The following IRAK2 variants were observed in gnomAD, a reference collection of about 807,000 sequenced individuals.
IRAK2 encodes interleukin-1 receptor-associated kinase-like 2.
Under a neutral mutation model 72.0 loss-of-function variants are expected in IRAK2, and 57 were observed. The ratio of observed to expected loss-of-function variants is 0.79; its 90% CI spans 0.64 to 0.99. The LOEUF (loss-of-function observed/expected upper bound fraction) is 0.99. Among genes scored for constraint, IRAK2 ranks in the 50% least tolerant of loss-of-function variants. The pLI is 0.00. For synonymous variants in IRAK2, 293 were observed against 312.7 expected, an observed-to-expected ratio of 0.94 and a Z score of 0.67; for missense variants, 790 against 794.4, an observed-to-expected ratio of 0.99 and a Z score of 0.07.
chr3:10,196,094 T>A (rs1697260343), intron 2 of IRAK2, among the ~76,000 whole-genome samples: 1 of 152,196 alleles, frequency 6.6e-6, no homozygotes, highest in African/African-American at 2.4e-5. Context: ...TCATTGTCAT[T>A]CTGTACAAGG....
At chr3:10,179,711 G>A (rs1383956456) in intron 2 of IRAK2, among the ~76,000 whole-genome samples, 1 of 152,134 alleles carries the variant, frequency 6.6e-6, no homozygotes, top group Admixed American at 6.6e-5. Flanking sequence ...TGGGATTATA[G>A]GTGTGAGCCA....
chr3:10,225,136 G>T (rs1697754378), intron 9 of IRAK2, among the ~76,000 whole-genome samples: 3 of 151,746 alleles, frequency 2.0e-5, no homozygotes, highest in African/African-American at 7.3e-5. Flanking sequence ...ATTAATCCTG[G>T]GTGGTTTAAA....
At chr3:10,226,854 G>A (rs1170187259) in intron 10 of IRAK2, among the ~76,000 whole-genome samples, 1 of 151,322 alleles carries the variant, frequency 6.6e-6, no homozygotes, top group African/African-American at 2.4e-5. Flanking sequence ...GCTGAGGCAG[G>A]AGAATCACTT....
At chr3:10,191,330 G>GA (rs1212430769) in intron 2 of IRAK2, among the ~76,000 whole-genome samples, 1 of 151,948 alleles carries the variant, frequency 6.6e-6, no homozygotes, top group Non-Finnish European at 1.5e-5. Flanking sequence ...AACCAGTCGT[G>GA]ACGCCCAGCC....
chr3:10,225,672 C>G (rs1697761621), intron 9 of IRAK2, among the ~76,000 whole-genome samples: 1 of 151,858 alleles, frequency 6.6e-6, no homozygotes, highest in Non-Finnish European at 1.5e-5. Flanking sequence ...AGAGCAATGC[C>G]TGCTTGCCAT....
intron 2 of IRAK2, among the ~76,000 whole-genome samples, chr3:10,186,529 C>G (rs895019357): frequency 1.3e-5 from 2 of 151,720 alleles, no homozygotes; most frequent in Admixed American, 6.6e-5. Context: ...TTGAAGCCAC[C>G]TGAAACAGTA....
chr3:10,215,763 CACACACACACAGAT>C (rs1387775192), intron 6 of IRAK2, among the ~76,000 whole-genome samples: 1 of 151,762 alleles, frequency 6.6e-6, no homozygotes, highest in Admixed American at 6.6e-5. Context: ...CACACACACA[CACACACACACAGAT>C]ACACACACAC....
rs1697616297 is a variant in IRAK2, at chr3:10,217,041, A to G, written c.896A>G (p.Gln299Arg). 2 of 1,609,928 alleles carry G rather than the reference A, an allele frequency of 1.2e-6. No individual in the cohort carries two copies. The highest frequency in any genetic ancestry group is 4.5e-5 in the East Asian group (2 of 44,868). ...MANGSLQDRL[Q>R]GQGGSDPLPW... ...AATGGTTCCCTACAGGACAGACTGCAGGGTCAGGTAAGGGACTGGGTCATG... is the reference window on the plus strand; with the variant it reads ...AATGGTTCCCTACAGGACAGACTGCGGGGTCAGGTAAGGGACTGGGTCATG... The change falls in exon 7 of 13, where the codon CAG becomes CGG. Residue 299 changes from glutamine to arginine, a missense_variant. Gln to Arg is a conservative substitution (Grantham distance 43, BLOSUM62 1). Transcript: ENST00000256458.
rs550426977 is a variant in IRAK2 at position 10,228,311 on chromosome 3, C to T, written c.1272+1878C>T. On this transcript the variant is annotated intron_variant, in intron 10 of 12. Coordinates refer to ENST00000256458, the MANE Select transcript of IRAK2 (RefSeq NM_001570.4). ...TCTGGGGTAGGGAGGCTGAAGGCCT[C>T]GCTACTCCATGCAGAAAGTCACGAC... Among the ~76,000 whole-genome samples, 11 of 152,222 alleles carry T rather than the reference C, an allele frequency of 7.2e-5. No homozygotes were observed. In the South Asian group the frequency reaches 1.9e-3, roughly 26 times the overall value.
chr3:10,191,490 G>A (rs942166656), intron 2 of IRAK2, among the ~76,000 whole-genome samples: 1 of 152,104 alleles, frequency 6.6e-6, no homozygotes, highest in African/African-American at 2.4e-5. Flanking sequence ...ACCTTTGCCC[G>A]GCTCTTCAAC....
rs1035384150 is a variant in IRAK2 at position 10,242,011 on chromosome 3, T to C, written c.1766-105T>C. ...GAAAAAAAAAAAAAGAAATGCTCAT[T>C]ACACTCAGGGCCTGATTCAGAAACC... On this transcript the variant is annotated intron_variant, in intron 12 of 12. Coordinates refer to ENST00000256458, the MANE Select transcript of IRAK2 (RefSeq NM_001570.4). 1.3e-5 allele frequency: 8 copies of C among 594,130 alleles called. No homozygotes were observed. In the Admixed American group the frequency reaches 2.4e-4, roughly 17 times the overall value. 36.8% of individuals were successfully genotyped at this position (594,130 alleles called of 1,614,324 possible). A position where few individuals can be genotyped will look rare whatever the true frequency, so the allele number is the denominator to read the frequency against.
In IRAK2 at chr3:10,237,393, C is replaced by A. The variant is rs1697980219; in HGVS notation, c.1474-1355C>A. On this transcript the variant is annotated intron_variant, in intron 11 of 12. Transcript: ENST00000256458. ...CAGGGACTGGAAGATAATAAGCAGG[C>A]CTGGGTTTGATGGTCACCTTTGCCA... Among the ~76,000 whole-genome samples, 4 of 152,216 alleles carry A rather than the reference C, an allele frequency of 2.6e-5. 1 individual carries two copies. The highest frequency in any genetic ancestry group is 2.6e-4 in the Admixed American group (4 of 15,268).
At chr3:10,223,356 A>G (rs1440138110) in intron 9 of IRAK2, among the ~76,000 whole-genome samples, 1 of 146,258 alleles carries the variant, frequency 6.8e-6, no homozygotes, top group African/African-American at 2.5e-5. Flanking sequence ...CACCACCACC[A>G]TCCTTGTCTG....
At chr3:10,218,571 T>G (rs1697641291) in intron 7 of IRAK2, among the ~76,000 whole-genome samples, 1 of 151,702 alleles carries the variant, frequency 6.6e-6, no homozygotes, top group Admixed American at 6.6e-5. Context: ...ACAGATAAAA[T>G]CAGCGTAAGG....
chr3:10,179,084 TGCAACCCCCTTTTGATACA>T (rs1189452433), intron 2 of IRAK2, among the ~76,000 whole-genome samples: 1 of 152,070 alleles, frequency 6.6e-6, no homozygotes, highest in Admixed American at 6.5e-5. Flanking sequence ...TCACCCTGCC[TGCAACCCCCTTTTGATACA>T]GCTAGTAGCA....
intron 1 of IRAK2, among the ~76,000 whole-genome samples, chr3:10,175,663 G>T (rs1696861338): frequency 6.6e-6 from 1 of 151,986 alleles, no homozygotes. Context: ...GCCGAGGCAG[G>T]CGCATCACAA....
Position 10,242,131 on chromosome 3 carries a change from G to A in IRAK2, c.1781G>A (p.Trp594Ter), listed in dbSNP as rs1698069926. ...EPPQDVTETS[W>*]QIEINEAKRK... ...TGAACATCAGTTACAGAAACTTCGT[G>A]GCAAATTGAGATCAATGAGGCCAAA... The change falls in exon 13 of 13, where the codon TGG (tryptophan) becomes TAG (stop). Residue 594 changes from tryptophan to a stop codon, truncating the protein, a stop_gained. Coordinates refer to ENST00000256458, the MANE Select transcript of IRAK2 (RefSeq NM_001570.4). LOFTEE classifies it high-confidence loss of function. 1.2e-6 allele frequency: 2 copies of A among 1,609,864 alleles called. No homozygotes were observed. Among genetic ancestry groups the A allele is most frequent in the African/African-American group, 1.3e-5 (1 of 74,762 alleles).
At chr3:10,173,195 A>G (rs1696823919) in intron 1 of IRAK2, among the ~76,000 whole-genome samples, 1 of 152,136 alleles carries the variant, frequency 6.6e-6, no homozygotes, top group East Asian at 1.9e-4. Flanking sequence ...ACCTTCCCCA[A>G]AAACACAGCA....
In IRAK2 at chr3:10,243,502, A is replaced by G. The variant is rs1420840087; in HGVS notation, c.*1274A>G. 2 of 152,624 alleles carry G rather than the reference A, an allele frequency of 1.3e-5. No homozygotes were observed. The highest frequency in any genetic ancestry group is 4.8e-5 in the African/African-American group (2 of 41,450). 9.5% of individuals were successfully genotyped at this position (152,624 alleles called of 1,614,324 possible). On this transcript the variant is annotated 3_prime_UTR_variant, in exon 13 of 13. Coordinates refer to ENST00000256458, the MANE Select transcript of IRAK2 (RefSeq NM_001570.4). ...ATCCCTGGGCTGTTGGGAGGAACAG[A>G]TGAGACAGTGGCTATAGAAGCACTT...
Sources: gnomAD v4.1 joint callset for allele counts (sites outside exome capture counted in the v4.1 genomes callset) on GRCh38, gnomAD v4.1.1 for gene constraint, MANE v1.5 for transcripts, NCBI Gene and HGNC (gene_info 2026-07-23, HGNC 2026-07-21) for gene names.